The following OLAH variants were observed in gnomAD, a reference collection of about 807,000 sequenced individuals.
OLAH encodes S-acyl fatty acid synthase thioesterase, medium chain.
OLAH carries 33 observed loss-of-function variants against 27.8 expected under a neutral mutation model. The observed-to-expected ratio is 1.19, with a 90% CI of 0.90 to 1.59. The LOEUF (loss-of-function observed/expected upper bound fraction) is 1.59. OLAH is among the 40% of genes most tolerant of loss of function. The pLI is 0.00. For missense variants in OLAH, 359 were observed against 310.8 expected, an observed-to-expected ratio of 1.16 and a Z score of -1.17; for synonymous variants, 120 against 102.9, an observed-to-expected ratio of 1.17 and a Z score of -1.01.
upstream of OLAH, among the ~76,000 whole-genome samples, chr10:15,042,847 G>GTTTTTT (rs1843943161): frequency 1.2e-5 from 1 of 80,566 alleles, no homozygotes; most frequent in African/African-American, 4.8e-5. Flanking sequence ...CTACCCACGT[G>GTTTTTT]TCTTTTTTTT....
At chr10:15,058,842 T>C (rs1350483348) in intron 3 of OLAH, among the ~76,000 whole-genome samples, 1 of 152,142 alleles carries the variant, frequency 6.6e-6, no homozygotes, top group Non-Finnish European at 1.5e-5. Flanking sequence ...TGTCACAGGA[T>C]ATGGAATGCC....
chr10:15,062,741 CTTTT>C lies in OLAH; in HGVS notation c.302+891_302+894del, dbSNP rs773373248. On this transcript the variant is annotated intron_variant, in intron 4 of 7. Transcript: ENST00000378228. ...TATAAACAATAGTCCAGTGAACATT[CTTTT>C]TTTTTTTTTTTGAGACAGAGTCTCA... 5.0e-5 allele frequency among the ~76,000 whole-genome samples: 7 copies of C among 140,142 alleles called. No homozygotes were observed. In the East Asian group the frequency reaches 8.1e-4, roughly 16 times the overall value. 91.9% of individuals were successfully genotyped at this position (140,142 alleles called of 152,430 possible).
intron 3 of OLAH, among the ~76,000 whole-genome samples, chr10:15,050,345 G>A (rs1422430647): frequency 6.6e-6 from 1 of 151,482 alleles, no homozygotes; most frequent in East Asian, 1.9e-4. Context: ...TCGGCTCACT[G>A]CAATCTCCAC....
At chr10:15,062,001 A>G (rs1427680206) in intron 4 of OLAH, 139 bp downstream of exon 4, 1 of 764,994 alleles carries the variant, frequency 1.3e-6, no homozygotes, top group South Asian at 2.9e-5. Context: ...GGCCATCACA[A>G]CTTTTACAAT....
chr10:15,059,634 C>T (rs545028399), intron 3 of OLAH, among the ~76,000 whole-genome samples: 7 of 152,126 alleles, frequency 4.6e-5, no homozygotes, highest in East Asian at 3.9e-4. Context: ...GGTGAAACCC[C>T]GTCTCTACTA....
chr10:15,058,884 C>G (rs7082022), intron 3 of OLAH, among the ~76,000 whole-genome samples: 45,595 of 150,894 alleles, frequency 0.3, 8,030 homozygotes, highest in African/African-American at 0.47. Flanking sequence ...CTTCCTACCC[C>G]CTAGTATTGT....
chr10:15,073,374 G>A lies in OLAH; in HGVS notation c.*145G>A. 6.4e-6 allele frequency: 4 copies of A among 624,538 alleles called. No homozygotes were observed. In the South Asian group the frequency reaches 6.4e-5, roughly 10 times the overall value. The allele number at this position is 624,538 out of a possible 1,614,324, so 38.7% of individuals were successfully genotyped here. The stretch of plus-strand genomic sequence containing the variant: ...GTTACATAAATATATTTACGTATCT[G>A]GGGACAAAGGTCAAGCCAGTAAAGA... On this transcript the variant is annotated 3_prime_UTR_variant, in exon 8 of 8. Coordinates refer to ENST00000378228, the MANE Select transcript of OLAH (RefSeq NM_001039702.3).
intron 1 of OLAH, among the ~76,000 whole-genome samples, chr10:15,037,117 T>C (rs961519105): frequency 6.6e-6 from 1 of 151,276 alleles, no homozygotes; most frequent in Non-Finnish European, 1.5e-5. Context: ...CAAACAGTCT[T>C]GAAATCGGCT....
intron 2 of OLAH, 24 bp from the exon 3 acceptor site, chr10:15,049,611 A>G: frequency 6.7e-7 from 1 of 1,498,014 alleles, no homozygotes; most frequent in Non-Finnish European, 9.1e-7. Context: ...CATAATGTTA[A>G]ATATATTTGA....
chr10:15,043,168 G>A (rs944532913), upstream of OLAH, among the ~76,000 whole-genome samples: 1 of 151,780 alleles, frequency 6.6e-6, no homozygotes, highest in African/African-American at 2.4e-5. Context: ...CCATCCACGT[G>A]TCTTTTAGTC....
At chr10:15,072,719 C>T (rs911110862) in intron 7 of OLAH, among the ~76,000 whole-genome samples, 6 of 150,526 alleles carry the variant, frequency 4.0e-5, no homozygotes, top group Admixed American at 1.3e-4. Flanking sequence ...TTTCTGGCGG[C>T]CGGAAGCAAG....
At chr10:15,072,419 G>T (rs1424571895) in intron 7 of OLAH, among the ~76,000 whole-genome samples, 1 of 152,012 alleles carries the variant, frequency 6.6e-6, no homozygotes, top group East Asian at 1.9e-4. Flanking sequence ...TATACTGATA[G>T]GTCTCAAAGA....
chr10:15,045,222 G>C (rs573492276), intron 1 of OLAH, among the ~76,000 whole-genome samples: 1 of 152,330 alleles, frequency 6.6e-6, no homozygotes, highest in East Asian at 1.9e-4. Flanking sequence ...TCCCAGGTAT[G>C]ATTGATCACA....
Position 15,073,313 on chromosome 10 carries a change from T to C in OLAH, c.*84T>C, listed in dbSNP as rs1006676354. The stretch of plus-strand genomic sequence containing the variant: ...CAGATATAGCTCAGTTTTATTCAGA[T>C]TGGAAATTACACATTTTCTACTGTC... On this transcript the variant is annotated 3_prime_UTR_variant, in exon 8 of 8. Coordinates refer to ENST00000378228, the MANE Select transcript of OLAH (RefSeq NM_001039702.3). The C allele has an allele frequency of 1.1e-5, 10 of 898,212 alleles. No individual in the cohort carries two copies. The African/African-American group carries it at 1.2e-4, about 11-fold the overall frequency. 55.6% of individuals were successfully genotyped at this position (898,212 alleles called of 1,614,324 possible).
rs187950137 is a variant in OLAH at position 15,056,032 on chromosome 10, T to C, written c.164-5692T>C. The stretch of plus-strand genomic sequence containing the variant: ...GCCCAGCTAATTTTTGTATTTTTAG[T>C]AGAGACAGGATTTCACCATGTTGGC... On this transcript the variant is annotated intron_variant, in intron 3 of 7. Transcript: ENST00000378228. Among the ~76,000 whole-genome samples the C allele has an allele frequency of 3.9e-5, 6 of 152,228 alleles. No individual in the cohort carries two copies. The East Asian group carries it at 9.7e-4, about 25-fold the overall frequency.
rs766002622 is a variant in OLAH at position 15,065,764 on chromosome 10, G to A, written c.572+11G>A. 1.1e-5 allele frequency: 17 copies of A among 1,580,914 alleles called. No individual in the cohort carries two copies. Among genetic ancestry groups the A allele is most frequent in the Non-Finnish European group, 1.3e-5 (15 of 1,166,490 alleles). On this transcript the variant is annotated intron_variant, in intron 6 of 7. Coordinates refer to ENST00000378228, the MANE Select transcript of OLAH (RefSeq NM_001039702.3). ...TGTTAGAAGTTGCACGTAAGTAACA[G>A]AAACAAGGTTTTTTCTTTTTTTGGT...
In OLAH at chr10:15,051,085, T is replaced by A. The variant is rs1311946155; in HGVS notation, c.163+1320T>A. On this transcript the variant is annotated intron_variant, in intron 3 of 7. Coordinates refer to ENST00000378228, the MANE Select transcript of OLAH (RefSeq NM_001039702.3). ...TTTATTATTATTATTATTATTTTTT[T>A]TTTTTTTTGAGATGGAGTCTTGCTC... Among the ~76,000 whole-genome samples the A allele has an allele frequency of 4.8e-3, 712 of 147,920 alleles. 12 individuals carry two copies. The East Asian group carries it at 0.079, about 16-fold the overall frequency.
chr10:15,068,400 A>G (rs1454206985), intron 6 of OLAH, among the ~76,000 whole-genome samples: 1 of 151,896 alleles, frequency 6.6e-6, no homozygotes, highest in Non-Finnish European at 1.5e-5. Flanking sequence ...CATTATTACT[A>G]TTATTATTTG....
chr10:15,068,083 T>C (rs1290145251), intron 6 of OLAH: 1 of 152,332 alleles, frequency 6.6e-6, no homozygotes, highest in African/African-American at 2.4e-5. Context: ...CTGACTGTCT[T>C]CAAGGCCGCT....
Sources: gnomAD v4.1 joint callset for allele counts (sites outside exome capture counted in the v4.1 genomes callset) on GRCh38, gnomAD v4.1.1 for gene constraint, MANE v1.5 for transcripts, NCBI Gene and HGNC (gene_info 2026-07-23, HGNC 2026-07-21) for gene names.